Variants in GPHN observed in about 807,000 individuals in gnomAD.
GPHN encodes the protein gephyrin.
In GPHN, 17 loss-of-function variants were observed where a neutral mutation model predicts 95.5. The observed-to-expected ratio is 0.18, with a 90% CI of 0.12 to 0.27. The LOEUF is 0.27. Among genes scored for constraint, GPHN ranks in the 10% least tolerant of loss-of-function variants. The pLI, the probability that GPHN is intolerant of heterozygous loss-of-function variation, is 1.00. For synonymous variants in GPHN, 320 were observed against 322.5 expected (o/e 0.99, Z 0.08); for missense variants, 660 against 978.1 (o/e 0.67, Z 4.34).
the GPHN span, among the ~76,000 whole-genome samples, chr14:67,195,216 C>T: frequency 1.3e-5 from 2 of 152,228 alleles, no homozygotes; most frequent in South Asian, 2.1e-4. Context: ...ACTTTCTGCT[C>T]CTCAGCTAAC....
At chr14:67,593,589 T>G in the GPHN span, 9 of 588,600 alleles carry the variant, frequency 1.5e-5, no homozygotes, top group African/African-American at 1.7e-4. Context: ...TAATTCCCTA[T>G]CCATGAAAAC....
At chr14:67,725,090 T>C in the GPHN span, 3 of 1,614,090 alleles carry the variant, frequency 1.9e-6, no homozygotes, top group Non-Finnish European at 2.5e-6. Context: ...TTTTTTGTCT[T>C]GGACCCAGGA....
intron 17 of GPHN, among the ~76,000 whole-genome samples, chr14:67,128,917 C>T (rs1417617403): frequency 6.6e-6 from 1 of 151,046 alleles, no homozygotes. Context: ...TGGGTTCAAG[C>T]GATTCTCCTG....
the GPHN span, among the ~76,000 whole-genome samples, chr14:67,563,731 C>CTT: frequency 1.2e-5 from 1 of 86,834 alleles, no homozygotes; most frequent in Admixed American, 1.2e-4. Context: ...CTGAGCCTGG[C>CTT]TTTTTTTTTT....
At chr14:66,567,324 A>G (rs1282421773) in intron 1 of GPHN, among the ~76,000 whole-genome samples, 8 of 152,172 alleles carry the variant, frequency 5.3e-5, no homozygotes, top group African/African-American at 1.7e-4. Flanking sequence ...AGTGGCTCTA[A>G]TGCTAGGCCC....
the GPHN span, among the ~76,000 whole-genome samples, chr14:67,326,774 G>C: frequency 6.6e-6 from 1 of 152,148 alleles, no homozygotes. Context: ...TTTTGAGATT[G>C]ATCTGTGTTG....
chr14:67,684,587 C>CTT, the GPHN span: 39 of 142,272 alleles, frequency 2.7e-4, no homozygotes, highest in East Asian at 1.2e-3. Flanking sequence ...GATTCAAATT[C>CTT]TTTTTTTTTT....
At chr14:67,517,578 G>A in the GPHN span, among the ~76,000 whole-genome samples, 2 of 152,130 alleles carry the variant, frequency 1.3e-5, no homozygotes, top group Non-Finnish European at 2.9e-5. Flanking sequence ...CAGAAAGAAG[G>A]GTTAAGATCT....
chr14:67,338,650 C>T, the GPHN span: 1 of 1,614,130 alleles, frequency 6.2e-7, no homozygotes. Context: ...TCGTCCTTCT[C>T]TTCAGCCAGA....
chr14:66,771,007 G>A (rs972841477), intron 2 of GPHN, among the ~76,000 whole-genome samples: 9 of 152,080 alleles, frequency 5.9e-5, no homozygotes, highest in African/African-American at 2.2e-4. Context: ...CAAATGGGAT[G>A]AATAAAAGGA....
chr14:66,749,738 A>G (rs1037047094), intron 2 of GPHN, among the ~76,000 whole-genome samples: 12 of 151,850 alleles, frequency 7.9e-5, no homozygotes, highest in Non-Finnish European at 1.2e-4. Context: ...TATATTTTGT[A>G]TAACAATTCA....
chr14:66,959,296 T>C (rs1033587209), intron 8 of GPHN, among the ~76,000 whole-genome samples: 105 of 152,184 alleles, frequency 6.9e-4, no homozygotes, highest in African/African-American at 2.3e-3. Context: ...TATTTCTTCA[T>C]GTCAGAGGAT....
chr14:66,603,936 C>A (rs1174966036), intron 1 of GPHN, among the ~76,000 whole-genome samples: 1 of 151,926 alleles, frequency 6.6e-6, no homozygotes, highest in Non-Finnish European at 1.5e-5. Flanking sequence ...ATTTCACTGT[C>A]CTTTATGTAA....
intron 21 of GPHN, among the ~76,000 whole-genome samples, chr14:67,174,506 G>A (rs972033957): frequency 6.6e-6 from 1 of 152,152 alleles, no homozygotes; most frequent in African/African-American, 2.4e-5. Flanking sequence ...TTGGTTCCAA[G>A]TCTTTGCTGC....
the GPHN span, chr14:67,733,600 T>TG: frequency 1.7e-6 from 1 of 590,706 alleles, no homozygotes; most frequent in East Asian, 3.5e-5. Flanking sequence ...AAAATATTTT[T>TG]GGAGTGCATT....
At chr14:67,112,951 T>C in intron 15 of GPHN, 67 bp from the exon 16 acceptor site, 1 of 1,457,518 alleles carries the variant, frequency 6.9e-7, no homozygotes, top group African/African-American at 1.4e-5. Context: ...GACACTAAAG[T>C]TTCCCTCTGA....
the GPHN span, chr14:67,224,993 TC>T: frequency 1.3e-6 from 1 of 783,002 alleles, no homozygotes; most frequent in Non-Finnish European, 2.0e-6. Context: ...AATTTAATAT[TC>T]AAAATAAGCT....
chr14:67,119,646 C>T (rs919447817), intron 16 of GPHN, among the ~76,000 whole-genome samples: 5 of 151,912 alleles, frequency 3.3e-5, no homozygotes, highest in Non-Finnish European at 7.4e-5. Context: ...CAAAATTAGC[C>T]GGGCGTGGTG....
chr14:67,036,926 AG>A (rs2074451617), intron 10 of GPHN, among the ~76,000 whole-genome samples: 1 of 152,058 alleles, frequency 6.6e-6, no homozygotes, highest in East Asian at 1.9e-4. Context: ...AGAAATAGAA[AG>A]TACCACCCTA....
Sources: gnomAD v4.1 joint callset for allele counts (sites outside exome capture counted in the v4.1 genomes callset) on GRCh38, gnomAD v4.1.1 for gene constraint, MANE v1.5 for transcripts, NCBI Gene and HGNC (gene_info 2026-07-23, HGNC 2026-07-21) for gene names.